Variants in RIN3 observed in about 807,000 individuals in gnomAD.
The protein encoded by RIN3 is RAB5 interacting protein 3.
RIN3 carries 54 observed loss-of-function variants against 76.3 expected under a neutral mutation model. The ratio of observed to expected loss-of-function variants is 0.71; its 90% CI spans 0.57 to 0.89. RIN3 has a LOEUF of 0.89. RIN3 is among the 40% of genes least tolerant of loss of function. RIN3 has a pLI of 0.00. For missense variants in RIN3, 1,256 were observed against 1,322.1 expected (o/e 0.95, Z 0.78); for synonymous variants, 576 against 564.0 (o/e 1.02, Z -0.30).
intron 1 of RIN3, among the ~76,000 whole-genome samples, chr14:92,543,020 T>G (rs936296754): frequency 1.3e-5 from 2 of 152,142 alleles, no homozygotes. Flanking sequence ...ATTGTGGTGG[T>G]GGTTGCACAG....
rs537072728 is a variant in RIN3 at position 92,515,813 on chromosome 14, A to G, written c.44+1837A>G. 4.6e-5 allele frequency among the ~76,000 whole-genome samples: 7 copies of G among 152,346 alleles called. No individual in the cohort carries two copies. In the East Asian group the frequency reaches 1.3e-3, roughly 29 times the overall value. ...GCCTGCTTAGAACTGTGCTTGGTACATTCTAGCACTGTATGAATATTGGTT... is the reference window on the plus strand; with the variant it reads ...GCCTGCTTAGAACTGTGCTTGGTACGTTCTAGCACTGTATGAATATTGGTT... On this transcript the variant is annotated intron_variant, in intron 1 of 9. Coordinates refer to ENST00000216487, the MANE Select transcript of RIN3 (RefSeq NM_024832.5).
chr14:92,562,074 G>A (rs999162246), intron 2 of RIN3, among the ~76,000 whole-genome samples: 2 of 152,184 alleles, frequency 1.3e-5, no homozygotes. Flanking sequence ...TCTTGGCTGT[G>A]ACATTTGCTC....
intron 1 of RIN3, among the ~76,000 whole-genome samples, chr14:92,555,295 A>G (rs758337043): frequency 2.6e-5 from 4 of 152,144 alleles, no homozygotes; most frequent in Non-Finnish European, 5.9e-5. Flanking sequence ...CTTCTGTTAC[A>G]TTTATACTTG....
At chr14:92,646,919 T>C (rs1595480652) in intron 5 of RIN3, among the ~76,000 whole-genome samples, 1 of 152,248 alleles carries the variant, frequency 6.6e-6, no homozygotes, top group East Asian at 1.9e-4. Context: ...GCGAATATAT[T>C]TGTGACTTTC....
chr14:92,576,244 C>T (rs1376697397), intron 2 of RIN3: 2 of 1,285,544 alleles, frequency 1.6e-6, no homozygotes, highest in East Asian at 5.6e-5. Context: ...CATTTTAAAA[C>T]AGCAGAGTTT....
At chr14:92,650,229 C>T (rs933176775) in intron 5 of RIN3, among the ~76,000 whole-genome samples, 12 of 152,218 alleles carry the variant, frequency 7.9e-5, no homozygotes, top group African/African-American at 1.4e-4. Context: ...CCGCCTAACA[C>T]GGAGGCTAAA....
intron 1 of RIN3, among the ~76,000 whole-genome samples, chr14:92,540,366 G>T (rs989887953): frequency 6.6e-6 from 1 of 152,180 alleles, no homozygotes; most frequent in African/African-American, 2.4e-5. Flanking sequence ...AGGTCTTTTG[G>T]TTTCCCAAGG....
chr14:92,569,720 G>A (rs1321707967), intron 2 of RIN3, among the ~76,000 whole-genome samples: 1 of 152,136 alleles, frequency 6.6e-6, no homozygotes, highest in Non-Finnish European at 1.5e-5. Context: ...TCGAAGGACA[G>A]CCTAGTTGAA....
At chr14:92,522,407 C>A (rs946259368) in intron 1 of RIN3, among the ~76,000 whole-genome samples, 1 of 152,094 alleles carries the variant, frequency 6.6e-6, no homozygotes, top group Non-Finnish European at 1.5e-5. Context: ...ACACCCAAAA[C>A]AGGGAAATTT....
At chr14:92,639,871 G>C (rs554044255) in intron 4 of RIN3, among the ~76,000 whole-genome samples, 14 of 151,880 alleles carry the variant, frequency 9.2e-5, no homozygotes, top group African/African-American at 3.4e-4. Context: ...TGCGTTTGCT[G>C]GGAGATGCCT....
chr14:92,566,042 CT>C (rs1897907263), intron 2 of RIN3, among the ~76,000 whole-genome samples: 1 of 152,216 alleles, frequency 6.6e-6, no homozygotes, highest in Non-Finnish European at 1.5e-5. Context: ...CTAATACCAC[CT>C]GTGCAGCCTT....
rs138439324 is a variant in RIN3, at chr14:92,571,114, C to T, written c.250-6246C>T. On this transcript the variant is annotated intron_variant, in intron 2 of 9. Coordinates refer to ENST00000216487, the MANE Select transcript of RIN3 (RefSeq NM_024832.5). ...AACGGTGTTCAAATAAGGCAAATGC[C>T]GAGCTGTAACCAATCCAGCTGTTTC... is the stretch of plus-strand genomic sequence containing the variant. Among the ~76,000 whole-genome samples, 19 of 152,292 alleles carry T rather than the reference C, an allele frequency of 1.2e-4. No homozygotes were observed. In the East Asian group the frequency reaches 2.3e-3, roughly 19 times the overall value.
rs546997502 is a variant in RIN3 at position 92,520,530 on chromosome 14, C to T, written c.44+6554C>T. Among the ~76,000 whole-genome samples the T allele has an allele frequency of 3.9e-5, 6 of 152,212 alleles. No homozygotes were observed. In the South Asian group the frequency reaches 1.2e-3, roughly 31 times the overall value. ...TATTCCCTAGTTAAGAGATGCGCCACCCTACCTCCCGACTGACATTTAACA... is the reference window on the plus strand; with the variant it reads ...TATTCCCTAGTTAAGAGATGCGCCATCCTACCTCCCGACTGACATTTAACA... On this transcript the variant is annotated intron_variant, in intron 1 of 9. Coordinates refer to ENST00000216487, the MANE Select transcript of RIN3 (RefSeq NM_024832.5).
rs200221185 is a variant in RIN3 at position 92,652,845 on chromosome 14, G to A, written c.1796G>A (p.Arg599His). ...SMFHAFLSNN[R>H]KLYKKVVELA... ...TTCCACGCTTTCCTCTCCAACAACC[G>A]CAAGCTGTACAAGAAGGTGGTGGAG... The change falls in exon 6 of 10, where the codon CGC (arginine) becomes CAC (histidine). Residue 599 changes from arginine (R) to histidine (H), a missense_variant. By Grantham distance (29) the Arg-to-His change is conservative. Around this residue, in one of 3 missense-constraint regions of RIN3, gnomAD observed 428 missense variants for 521.2 expected, o/e 0.82. Transcript: ENST00000216487. This position sits in a 1 kb window ranked among gnomAD's most constrained non-coding sequence, Gnocchi z 6.4. 5.1e-5 allele frequency: 82 copies of A among 1,614,050 alleles called. No individual in the cohort carries two copies. The East Asian group carries it at 1.1e-3, about 21-fold the overall frequency.
rs1306892381 is a variant in RIN3 at position 92,561,040 on chromosome 14, A to ATATATATATATATATATATAT, written c.249+5085_249+5086insTATATATATATATATATATAT. ...CTGTCTAAAAAAAAAAAAAAAAAAA[A>ATATATATATATATATATATAT]AAAAATATATATATATCTGCCATAT... On this transcript the variant is annotated intron_variant, in intron 2 of 9. Transcript: ENST00000216487. 9.7e-4 allele frequency among the ~76,000 whole-genome samples: 15 copies of ATATATATATATATATATATAT among 15,424 alleles called. 1 individual carries two copies. Among genetic ancestry groups the ATATATATATATATATATATAT allele is most frequent in the South Asian group, 4.2e-3 (1 of 240 alleles). 10.1% of individuals were successfully genotyped at this position (15,424 alleles called of 152,430 possible). A position where few individuals can be genotyped will look rare whatever the true frequency, so the allele number is the denominator to read the frequency against.
At chr14:92,578,580 A>AT (rs1898333103) in intron 3 of RIN3, among the ~76,000 whole-genome samples, 2 of 152,226 alleles carry the variant, frequency 1.3e-5, no homozygotes, top group Admixed American at 1.3e-4. Flanking sequence ...TATTACTCAA[A>AT]TCAGCCTCCC....
intron 3 of RIN3, among the ~76,000 whole-genome samples, chr14:92,603,103 G>A (rs1339634394): frequency 1.3e-5 from 2 of 152,196 alleles, no homozygotes; most frequent in South Asian, 2.1e-4. Flanking sequence ...CTGGTGGGTG[G>A]AGACCAGGGC....
At chr14:92,574,111 C>G (rs370892967) in intron 2 of RIN3, among the ~76,000 whole-genome samples, 1 of 152,146 alleles carries the variant, frequency 6.6e-6, no homozygotes, top group African/African-American at 2.4e-5. Flanking sequence ...ATAAAGGACA[C>G]GGACACACAA....
In RIN3 at chr14:92,652,105, C is replaced by A. The variant is rs749619362; in HGVS notation, c.1056C>A (p.Gly352=). The A allele has an allele frequency of 2.5e-6, 4 of 1,606,696 alleles. No individual in the cohort carries two copies. In the African/African-American group the frequency reaches 5.4e-5, roughly 21 times the overall value. The change falls in exon 6 of 10, where the codon GGC becomes GGA. Residue 352 remains glycine, a synonymous_variant. Transcript: ENST00000216487. This position sits in a 1 kb window ranked among gnomAD's most constrained non-coding sequence, Gnocchi z 6.4. Reference sequence around the variant, plus strand: ...TCCCATGCCCCACTGCAGGCCTGGGCCCCCTCAGGGAGGAAGCGATGAAGC... The same window carrying A: ...TCCCATGCCCCACTGCAGGCCTGGGACCCCTCAGGGAGGAAGCGATGAAGC... ...ERLPCPTAGL[G]PLREEAMKPG...
Sources: gnomAD v4.1 joint callset for allele counts (sites outside exome capture counted in the v4.1 genomes callset) on GRCh38, gnomAD v4.1.1 for gene constraint, gnomAD v4.1.1 regional missense constraint, Gnocchi (gnomAD v3.1) non-coding constraint, MANE v1.5 for transcripts, NCBI Gene and HGNC (gene_info 2026-07-23, HGNC 2026-07-21) for gene names.